ROBO1: variants seen among roughly 807,000 people sequenced by gnomAD.
The protein encoded by ROBO1 is roundabout homolog 1.
ROBO1 carries 149 observed loss-of-function variants against 195.9 expected under a neutral mutation model. The ratio of observed to expected loss-of-function variants is 0.76; its 90% CI spans 0.67 to 0.87. The LOEUF (loss-of-function observed/expected upper bound fraction) is 0.87. Among genes scored for constraint, ROBO1 ranks in the 40% least tolerant of loss-of-function variants. The pLI is 0.00. For synonymous variants in ROBO1, 816 were observed against 733.2 expected (o/e 1.11, Z -1.82); for missense variants, 1,933 against 2,068.3 (o/e 0.93, Z 1.27).
chr3:78,661,801 T>A (rs547530542), intron 15 of ROBO1, among the ~76,000 whole-genome samples, 192 bp downstream of exon 15: 6 of 152,044 alleles, frequency 3.9e-5, no homozygotes, highest in African/African-American at 1.4e-4. Flanking sequence ...TGCAGCACAA[T>A]AGGAAAAAAA....
At chr3:79,525,660 C>T (rs550143007) in intron 2 of ROBO1, among the ~76,000 whole-genome samples, 19 of 147,410 alleles carry the variant, frequency 1.3e-4, no homozygotes, top group African/African-American at 4.8e-4. Flanking sequence ...GGCTGGAGTG[C>T]AGTGGTGTGA....
intron 2 of ROBO1, among the ~76,000 whole-genome samples, chr3:79,328,629 T>A (rs913131722): frequency 4.6e-5 from 7 of 152,162 alleles, no homozygotes; most frequent in African/African-American, 7.2e-5. Context: ...TTATATTTTT[T>A]AAAAAATTTC....
intron 1 of ROBO1, among the ~76,000 whole-genome samples, chr3:79,707,679 T>G (rs1050342527): frequency 1.3e-5 from 2 of 152,034 alleles, no homozygotes; most frequent in African/African-American, 4.8e-5. Flanking sequence ...TGGCTAATTT[T>G]TTGTATGTTT....
intron 4 of ROBO1, among the ~76,000 whole-genome samples, chr3:78,779,358 C>T (rs2083602751): frequency 6.6e-6 from 1 of 152,146 alleles, no homozygotes; most frequent in African/African-American, 2.4e-5. Context: ...ATCTACCCAT[C>T]TGACAAAGGG....
chr3:78,607,255 C>G, intron 28 of ROBO1: 1 of 541,438 alleles, frequency 1.8e-6, no homozygotes, highest in Non-Finnish European at 3.2e-6. Context: ...CTCTGTCATT[C>G]AGGCTACAGT....
intron 2 of ROBO1, among the ~76,000 whole-genome samples, chr3:79,129,399 T>C (rs1483799503): frequency 4.6e-5 from 7 of 152,112 alleles, no homozygotes; most frequent in Non-Finnish European, 1.5e-5. Context: ...TGTGTGTATA[T>C]ATGTACATAC....
chr3:79,432,790 C>A (rs2038728818), intron 2 of ROBO1, among the ~76,000 whole-genome samples: 1 of 152,040 alleles, frequency 6.6e-6, no homozygotes, highest in Non-Finnish European at 1.5e-5. Flanking sequence ...CACAATATTT[C>A]TTTTTAGTCA....
At chr3:78,837,325 G>T (rs767154001) in intron 4 of ROBO1, among the ~76,000 whole-genome samples, 2 of 152,130 alleles carry the variant, frequency 1.3e-5, no homozygotes, top group Non-Finnish European at 2.9e-5. Context: ...CAACAGTCAT[G>T]AATCTGCCTA....
At chr3:79,180,561 T>C (rs1317012865) in intron 2 of ROBO1, among the ~76,000 whole-genome samples, 1 of 152,196 alleles carries the variant, frequency 6.6e-6, no homozygotes, top group African/African-American at 2.4e-5. Context: ...AAATCTTGGC[T>C]CCACTGCTTA....
At chr3:79,698,427 AG>A (rs1159380873) in intron 1 of ROBO1, among the ~76,000 whole-genome samples, 1 of 151,522 alleles carries the variant, frequency 6.6e-6, no homozygotes, top group Non-Finnish European at 1.5e-5. Flanking sequence ...TAGATGAAGT[AG>A]ACAGATTCAC....
At chr3:79,739,573 A>G (rs1703536835) in intron 1 of ROBO1, among the ~76,000 whole-genome samples, 1 of 152,190 alleles carries the variant, frequency 6.6e-6, no homozygotes, top group Admixed American at 6.6e-5. Context: ...ACATGTTTCA[A>G]TTAGCAAATG....
chr3:78,711,354 C>CCTTTCTTT (rs2081702459), intron 8 of ROBO1, among the ~76,000 whole-genome samples: 1 of 65,156 alleles, frequency 1.5e-5, no homozygotes, highest in African/African-American at 8.0e-5. Context: ...CTTCCTCCTT[C>CCTTTCTTT]CTTCCTTCCT....
chr3:79,701,371 C>T (rs998105955), intron 1 of ROBO1, among the ~76,000 whole-genome samples: 9 of 151,300 alleles, frequency 5.9e-5, no homozygotes, highest in African/African-American at 2.2e-4. Flanking sequence ...AAAATGATAT[C>T]CTTTTTTCTA....
At chr3:78,655,295 G>A (rs1706934686) in intron 18 of ROBO1, among the ~76,000 whole-genome samples, 1 of 152,108 alleles carries the variant, frequency 6.6e-6, no homozygotes, top group Non-Finnish European at 1.5e-5. Context: ...AGAGCTGTTG[G>A]GAGGAGCCTT....
intron 4 of ROBO1, among the ~76,000 whole-genome samples, chr3:78,774,934 G>A (rs1443689064): frequency 4.6e-5 from 7 of 152,010 alleles, no homozygotes; most frequent in African/African-American, 1.2e-4. Flanking sequence ...TGGTAAATTC[G>A]TAATACTCTT....
chr3:79,300,089 A>T (rs1404259283), intron 2 of ROBO1, among the ~76,000 whole-genome samples: 1 of 152,206 alleles, frequency 6.6e-6, no homozygotes, highest in African/African-American at 2.4e-5. Context: ...CGCTCTGGGC[A>T]TCTCCTCTGC....
In ROBO1 at chr3:78,643,193, G is replaced by C. The variant is rs965353533; in HGVS notation, c.2882+2955C>G. ...ATAGTAACATTTTAAGGCTTCCCAAGCCATAGAGCTTATTTGATAACTACT... is the reference window on the plus strand; with the variant it reads ...ATAGTAACATTTTAAGGCTTCCCAACCCATAGAGCTTATTTGATAACTACT... On this transcript the variant is annotated intron_variant, in intron 21 of 30. Transcript: ENST00000464233. Among the ~76,000 whole-genome samples, 14 of 152,124 alleles carry C rather than the reference G, an allele frequency of 9.2e-5. 1 individual carries two copies. Among genetic ancestry groups the C allele is most frequent in the Non-Finnish European group, 5.9e-5 (4 of 68,038 alleles).
intron 2 of ROBO1, among the ~76,000 whole-genome samples, chr3:79,465,966 C>G (rs1937934190): frequency 6.6e-6 from 1 of 151,656 alleles, no homozygotes; most frequent in Non-Finnish European, 1.5e-5. Flanking sequence ...CATTTTAAAA[C>G]AATCTTAACT....
chr3:78,915,612 T>C (rs1374832803), intron 4 of ROBO1, among the ~76,000 whole-genome samples: 3 of 152,166 alleles, frequency 2.0e-5, no homozygotes, highest in Non-Finnish European at 4.4e-5. Context: ...TAAAGTTTAA[T>C]TATTAACATA....
Sources: gnomAD v4.1 joint callset for allele counts (sites outside exome capture counted in the v4.1 genomes callset) on GRCh38, gnomAD v4.1.1 for gene constraint, MANE v1.5 for transcripts, NCBI Gene and HGNC (gene_info 2026-07-23, HGNC 2026-07-21) for gene names.